The following NRCAM variants were observed in gnomAD, a reference collection of about 807,000 sequenced individuals.
The protein encoded by NRCAM is neuronal cell adhesion molecule, also known as NgCAM-related cell adhesion molecule.
NRCAM carries 83 observed loss-of-function variants against 156.5 expected under a neutral mutation model. The observed-to-expected ratio is 0.53, with a 90% confidence interval of 0.44 to 0.64. The LOEUF is 0.64. NRCAM is among the 30% of genes least tolerant of loss of function. The pLI is 0.00. For synonymous variants in NRCAM, 538 were observed against 563.9 expected (o/e 0.95, Z 0.65); for missense variants, 1,417 against 1,597.3 (o/e 0.89, Z 1.92).
chr7:108,291,706 G>A lies in NRCAM; in HGVS notation c.-107+20959C>T, dbSNP rs563515112. Among the ~76,000 whole-genome samples, 7 of 152,220 alleles carry A rather than the reference G, an allele frequency of 4.6e-5. 1 individual carries two copies. In the East Asian group the frequency reaches 9.6e-4, roughly 21 times the overall value. On this transcript the variant is annotated intron_variant, in intron 3 of 32. Coordinates refer to ENST00000379028, the MANE Select transcript of NRCAM (RefSeq NM_001037132.4). The stretch of plus-strand genomic sequence containing the variant: ...AACAGGAGAGGAAGAGAGACAGAGC[G>A]ACAGAGAGAGAAGAGAAAAGAAAGT...
intron 1 of NRCAM, among the ~76,000 whole-genome samples, chr7:108,445,165 T>C (rs1164046116): frequency 6.6e-6 from 1 of 152,232 alleles, no homozygotes; most frequent in Non-Finnish European, 1.5e-5. Flanking sequence ...AAAATATGAA[T>C]GGATTATGGC....
At chr7:108,294,015 T>C (rs1305985935) in intron 3 of NRCAM, among the ~76,000 whole-genome samples, 2 of 152,194 alleles carry the variant, frequency 1.3e-5, no homozygotes, top group East Asian at 1.9e-4. Context: ...TAGTTGTCTT[T>C]CCCTTGGGTT....
chr7:108,390,215 T>A lies in NRCAM; in HGVS notation c.-174+9221A>T, dbSNP rs535736837. ...TTTTTGGTTGGTAGGCTATTAATTA[T>A]TGCCTCAATTTCAGAGTCTGTTATT... On this transcript the variant is annotated intron_variant, in intron 2 of 32. Coordinates refer to ENST00000379028, the MANE Select transcript of NRCAM (RefSeq NM_001037132.4). 5.3e-5 allele frequency among the ~76,000 whole-genome samples: 8 copies of A among 152,304 alleles called. No homozygotes were observed. The East Asian group carries it at 1.5e-3, about 29-fold the overall frequency.
chr7:108,450,948 G>A (rs1404502068), intron 1 of NRCAM, among the ~76,000 whole-genome samples: 1 of 152,204 alleles, frequency 6.6e-6, no homozygotes, highest in Admixed American at 6.5e-5. Flanking sequence ...GCTGGGCGTG[G>A]TGACTCACGC....
intron 25 of NRCAM, 55 bp from the exon 26 acceptor site, chr7:108,178,167 T>C: frequency 7.6e-6 from 12 of 1,575,782 alleles, no homozygotes; most frequent in Non-Finnish European, 1.0e-5. Context: ...TCAACATGTA[T>C]TAAATTGACA....
chr7:108,180,103 A>G (rs1280016144), intron 25 of NRCAM, 120 bp downstream of exon 25: 3 of 772,522 alleles, frequency 3.9e-6, no homozygotes, highest in South Asian at 1.8e-5. Context: ...ATTCATCTAT[A>G]GAAATTTCAA....
intron 2 of NRCAM, among the ~76,000 whole-genome samples, chr7:108,353,582 A>C (rs2099446078): frequency 6.6e-6 from 1 of 152,178 alleles, no homozygotes; most frequent in Non-Finnish European, 1.5e-5. Context: ...CAACCTTCTG[A>C]AGTGCAGGGA....
chr7:108,295,938 G>A (rs1346470769), intron 3 of NRCAM, among the ~76,000 whole-genome samples: 1 of 152,188 alleles, frequency 6.6e-6, no homozygotes, highest in Non-Finnish European at 1.5e-5. Flanking sequence ...CTTTGTATAT[G>A]GGGGGTTCTG....
At position 108,437,391 on chromosome 7, in the gene NRCAM, A is replaced by G. The variant is rs868766640; in HGVS notation, c.-332+18852T>C. Among the ~76,000 whole-genome samples, 6 of 152,334 alleles carry G rather than the reference A, an allele frequency of 3.9e-5. No homozygotes were observed. The South Asian group carries it at 6.2e-4, about 16-fold the overall frequency. On this transcript the variant is annotated intron_variant, in intron 1 of 32. Coordinates refer to ENST00000379028, the MANE Select transcript of NRCAM (RefSeq NM_001037132.4). Reference sequence around the variant, plus strand: ...TAGCACAACAGAGTGAATATATTCAATAATAATTTTACTGCATATCTTAAA... The same window carrying G: ...TAGCACAACAGAGTGAATATATTCAGTAATAATTTTACTGCATATCTTAAA...
At chr7:108,228,422 T>C (rs527244592) in intron 8 of NRCAM, among the ~76,000 whole-genome samples, 5 of 152,146 alleles carry the variant, frequency 3.3e-5, no homozygotes, top group African/African-American at 1.2e-4. Flanking sequence ...GCTGTAGCAA[T>C]AAAATAATAA....
chr7:108,253,361 G>C (rs145329460), intron 3 of NRCAM, among the ~76,000 whole-genome samples: 106 of 152,282 alleles, frequency 7.0e-4, no homozygotes, highest in African/African-American at 2.4e-3. Flanking sequence ...CAAGAGGGAA[G>C]AGGAAAGACT....
chr7:108,340,594 C>T (rs539300817), intron 2 of NRCAM, among the ~76,000 whole-genome samples: 2 of 152,166 alleles, frequency 1.3e-5, no homozygotes, highest in Non-Finnish European at 2.9e-5. Context: ...TCCCAGTGTA[C>T]ACCCTCACTG....
At chr7:108,281,089 GC>G (rs2097843997) in intron 3 of NRCAM, among the ~76,000 whole-genome samples, 1 of 151,868 alleles carries the variant, frequency 6.6e-6, no homozygotes, top group Admixed American at 6.6e-5. Context: ...AAATTAAATT[GC>G]TTTTGAATGA....
chr7:108,286,392 A>T (rs2098101675), intron 3 of NRCAM, among the ~76,000 whole-genome samples: 1 of 152,260 alleles, frequency 6.6e-6, no homozygotes, highest in South Asian at 2.1e-4. Context: ...ATTCAGTGAA[A>T]TGATTCCTTT....
At chr7:108,341,717 C>T (rs187414566) in intron 2 of NRCAM, among the ~76,000 whole-genome samples, 488 of 152,184 alleles carry the variant, frequency 3.2e-3, no homozygotes, top group Non-Finnish European at 5.4e-3. Context: ...AAGGCAGTAC[C>T]CCCTTAGACC....
At chr7:108,262,386 C>T (rs1427979298) in intron 3 of NRCAM, among the ~76,000 whole-genome samples, 1 of 152,088 alleles carries the variant, frequency 6.6e-6, no homozygotes, top group Non-Finnish European at 1.5e-5. Flanking sequence ...AGGAAAGAGA[C>T]ATTCCCTGAG....
rs1228486489 is a variant in NRCAM, at chr7:108,184,266, G to A, written c.2279C>T (p.Pro760Leu). The A allele has an allele frequency of 8.7e-6, 14 of 1,614,000 alleles. No individual in the cohort carries two copies. Among genetic ancestry groups the A allele is most frequent in the Non-Finnish European group, 1.0e-5 (12 of 1,179,950 alleles). ...CTTCCACGTAATCACCAAATTATCA[G>A]GCTCTGATCCCAGTCCTTCCACAGC... Reference protein sequence around the residue: ...PTAVEGLGSEPDNLVITWKPL... With the variant: ...PTAVEGLGSELDNLVITWKPL... The change falls in exon 22 of 33, where the codon CCT becomes CTT. Residue 760 changes from proline to leucine, a missense_variant. Pro to Leu is a moderately conservative substitution (Grantham distance 98). Transcript: ENST00000379028.
chr7:108,421,155 C>CTG (rs1163766328), intron 1 of NRCAM, among the ~76,000 whole-genome samples: 4 of 152,048 alleles, frequency 2.6e-5, no homozygotes, highest in African/African-American at 7.2e-5. Flanking sequence ...GAAAAAAAGA[C>CTG]TATAAGTGTA....
At chr7:108,383,067 C>T (rs926835514) in intron 2 of NRCAM, among the ~76,000 whole-genome samples, 4 of 152,046 alleles carry the variant, frequency 2.6e-5, no homozygotes, top group East Asian at 1.9e-4. Context: ...CCTGCAGAGG[C>T]TCTGGAAGTG....
Sources: allele counts gnomAD v4.1 joint callset (sites outside exome capture counted in the v4.1 genomes callset), GRCh38; gene constraint gnomAD v4.1.1; transcripts MANE v1.5; gene names NCBI Gene and HGNC (gene_info 2026-07-23, HGNC 2026-07-21).